The following PIGT variants were observed in gnomAD, a reference collection of about 807,000 sequenced individuals.
PIGT encodes GPI-anchor transamidase component PIGT.
A neutral mutation model predicts 66.7 loss-of-function variants in PIGT; 57 were observed. The ratio of observed to expected loss-of-function variants is 0.86; its 90% CI spans 0.69 to 1.07. The LOEUF is 1.07. Among genes scored for constraint, PIGT ranks in the 50% least tolerant of loss-of-function variants. The pLI, the probability that PIGT is intolerant of heterozygous loss-of-function variation, is 0.00. For synonymous variants in PIGT, 362 were observed against 320.5 expected (o/e 1.13, Z -1.38); for missense variants, 725 against 740.4 (o/e 0.98, Z 0.24).
Position 45,424,492 on chromosome 20 carries a change from G to A in PIGT, c.1401-4G>A. 1 of 1,614,130 alleles carries A rather than the reference G, an allele frequency of 6.2e-7. No individual in the cohort carries two copies. The highest frequency in any genetic ancestry group is 8.5e-7 in the Non-Finnish European group (1 of 1,179,990). ...ACACGGGCCATCTCTCTGCTTCTCT[G>A]TAGCCCATCTGTCCTCAGCGCCCTT... On this transcript the variant is annotated splice_region_variant and splice_polypyrimidine_tract_variant and intron_variant, in intron 10 of 11. Coordinates refer to ENST00000279036, the MANE Select transcript of PIGT (RefSeq NM_015937.6).
chr20:45,417,491 T>A (rs1311238694), intron 2 of PIGT: 1 of 152,180 alleles, frequency 6.6e-6, no homozygotes, highest in East Asian at 1.9e-4. Flanking sequence ...CAGAGTCAAA[T>A]GTTTCTAAAA....
intron 9 of PIGT, chr20:45,422,584 C>T (rs1990437101): frequency 6.6e-6 from 1 of 152,032 alleles, no homozygotes; most frequent in African/African-American, 2.4e-5. Context: ...GGACTACAGG[C>T]ATGAACCGCC....
chr20:45,419,192 A>G, intron 3 of PIGT, 103 bp from the exon 4 acceptor site: 1 of 1,121,242 alleles, frequency 8.9e-7, no homozygotes, highest in Non-Finnish European at 1.3e-6. Context: ...CTGTGGTGCT[A>G]GAGGTGGTGT....
At chr20:45,417,051 G>A in intron 2 of PIGT, 1 of 172,958 alleles carries the variant, frequency 5.8e-6, no homozygotes, top group South Asian at 1.2e-4. Flanking sequence ...ATATCTGTGG[G>A]TTACAACTGG....
intron 8 of PIGT, 182 bp from the exon 9 acceptor site, chr20:45,421,201 C>T (rs1452854439): frequency 9.9e-6 from 6 of 606,076 alleles, no homozygotes; most frequent in African/African-American, 1.9e-5. Context: ...AACCTATTGT[C>T]ATCATCGCTT....
Position 45,424,291 on chromosome 20 carries a change from A to C in PIGT, c.1310A>C (p.Asn437Thr), listed in dbSNP as rs540505252. The change falls in exon 10 of 12, where the codon AAC (asparagine) becomes ACC (threonine). Residue 437 changes from asparagine (N) to threonine (T), a missense_variant. By Grantham distance (65) the Asn-to-Thr change is moderately conservative (BLOSUM62 0). This residue lies in a region of PIGT where 559 missense variants were observed against 552.7 expected (regional missense o/e 1.01). Coordinates refer to ENST00000279036, the MANE Select transcript of PIGT (RefSeq NM_015937.6). ...LLEMLIQLPA[N>T]SVTKVSIQFE... is the part of the protein sequence containing the mutation. ...GAGATGCTGATTCAGCTGCCGGCCA[A>C]CTCAGTCACCAAGGTTTCCATCCAG... The C allele has an allele frequency of 1.2e-6, 2 of 1,614,188 alleles. No homozygotes were observed. Among genetic ancestry groups the C allele is most frequent in the South Asian group, 1.1e-5 (1 of 91,082 alleles).
rs1305081958 is a variant in PIGT at position 45,425,763 on chromosome 20, A to C, written c.1674A>C (p.Thr558=). The C allele has an allele frequency of 1.2e-6, 2 of 1,614,072 alleles. No individual in the cohort carries two copies. The highest frequency in any genetic ancestry group is 4.5e-5 in the East Asian group (2 of 44,878). The change falls in exon 12 of 12, where the codon ACA becomes ACC. Residue 558 remains threonine, a synonymous_variant. Coordinates refer to ENST00000279036, the MANE Select transcript of PIGT (RefSeq NM_015937.6). ...CCTTCCACATCGAGGAGCCCCGCAC[A>C]GGTGGCCTGGCCAAGCGGCTGGCCA... The part of the protein sequence containing the change: ...TRTFHIEEPR[T]GGLAKRLANL...
At chr20:45,425,481 C>A in intron 11 of PIGT, 93 bp from the exon 12 acceptor site, 2 of 1,378,062 alleles carry the variant, frequency 1.5e-6, no homozygotes, top group African/African-American at 1.4e-5. Context: ...ATTGGAAACA[C>A]TGTGTTGCAT....
chr20:45,419,860 A>G, intron 5 of PIGT: 1 of 600,226 alleles, frequency 1.7e-6, no homozygotes, highest in Non-Finnish European at 3.0e-6. Flanking sequence ...ACCTTGGGTG[A>G]ATCATTTCAT....
chr20:45,426,087 G>A lies in PIGT; in HGVS notation c.*261G>A, dbSNP rs1990726742. On this transcript the variant is annotated 3_prime_UTR_variant, in exon 12 of 12. Coordinates refer to ENST00000279036, the MANE Select transcript of PIGT (RefSeq NM_015937.6). ...TGCTCAATAAGCAAAAGTGGTCGGT[G>A]GCTGCTGTATTGGACAGCACAGAAA... is the stretch of plus-strand genomic sequence containing the variant. The A allele has an allele frequency of 7.3e-6, 4 of 550,296 alleles. No homozygotes were observed. The highest frequency in any genetic ancestry group is 1.3e-5 in the Non-Finnish European group (4 of 307,672). The allele number at this position is 550,296 out of a possible 1,614,324, so 34.1% of individuals were successfully genotyped here. A position where few individuals can be genotyped will look rare whatever the true frequency, so the allele number is the denominator to read the frequency against.
At chr20:45,420,042 A>G (rs1012832125) in intron 5 of PIGT, 94 bp from the exon 6 acceptor site, 3 of 865,710 alleles carry the variant, frequency 3.5e-6, no homozygotes, top group Non-Finnish European at 5.6e-6. Flanking sequence ...GTGAAGATAC[A>G]TAGATGAGGG....
rs542261911 is a variant in PIGT, at chr20:45,419,423, G to GGT, written c.594+29_594+30insTG. The stretch of plus-strand genomic sequence containing the variant: ...GAGGCCGCAGAGCCTGGCAGCCGGG[G>GGT]GCGGGGGGTGTATAGAGAACCTGCG... On this transcript the variant is annotated intron_variant, in intron 4 of 11. Transcript: ENST00000279036. The GGT allele has an allele frequency of 7.0e-4, 1,104 of 1,573,566 alleles. 9 individuals are homozygous for GGT. In the African/African-American group the frequency reaches 0.016, roughly 22 times the overall value.
At chr20:45,422,446 CT>C (rs773870611) in intron 9 of PIGT, 8,418 of 140,040 alleles carry the variant, frequency 0.06, 232 homozygotes, top group Middle Eastern at 0.086. Flanking sequence ...ACCCTGCAGC[CT>C]TTTTTTTTTT....
At chr20:45,420,077 TG>T in intron 5 of PIGT, 58 bp from the exon 6 acceptor site, 1 of 1,225,080 alleles carries the variant, frequency 8.2e-7, no homozygotes. Flanking sequence ...GGAGTCTTTT[TG>T]GGGGCTGTGT....
chr20:45,419,970 G>A (rs1222881767), intron 5 of PIGT, 166 bp from the exon 6 acceptor site: 2 of 621,364 alleles, frequency 3.2e-6, no homozygotes, highest in Non-Finnish European at 5.7e-6. Context: ...ACATACAGCT[G>A]TCAGCACGGG....
Position 45,425,615 on chromosome 20 carries a change from A to G in PIGT, c.1526A>G (p.Tyr509Cys). 6.2e-7 allele frequency: 1 copy of G among 1,613,836 alleles called. No homozygotes were observed. Among genetic ancestry groups the G allele is most frequent in the Non-Finnish European group, 8.5e-7 (1 of 1,179,838 alleles). ...SDGSNYFVRL[Y>C]TEPLLVNLPT... ...GGCTCTAACTACTTTGTGCGGCTCT[A>G]CACGGAGCCGCTGCTGGTGAACCTG... The change falls in exon 12 of 12, where the codon TAC becomes TGC. Residue 509 changes from tyrosine (Y) to cysteine (C), a missense_variant. By Grantham distance (194) the Tyr-to-Cys change is radical. Around this residue, in one of 3 missense-constraint regions of PIGT, gnomAD observed 162 missense variants for 171.1 expected, o/e 0.95. Coordinates refer to ENST00000279036, the MANE Select transcript of PIGT (RefSeq NM_015937.6).
intron 11 of PIGT, chr20:45,425,147 CTTTCTTTCTTTCTTTCTT>C (rs1990643291): frequency 5.0e-5 from 2 of 40,040 alleles, no homozygotes; most frequent in African/African-American, 1.9e-4. Flanking sequence ...CTTTCTCTTT[CTTTCTTTCTTTCTTTCTT>C]TCTTTCTTTC....
Position 45,419,404 on chromosome 20 carries a change from G to C in PIGT, c.594+9G>C, listed in dbSNP as rs375333648. The C allele has an allele frequency of 1.9e-6, 3 of 1,602,016 alleles. No individual in the cohort carries two copies. The Admixed American group carries it at 5.1e-5, about 27-fold the overall frequency. On this transcript the variant is annotated intron_variant, in intron 4 of 11. Transcript: ENST00000279036. ...TGCCCTGTAGTTCCAAGGTGAGGCC[G>C]CAGAGCCTGGCAGCCGGGGGCGGGG...
intron 5 of PIGT, chr20:45,419,931 G>A (rs756665738): frequency 1.6e-6 from 1 of 606,110 alleles, no homozygotes; most frequent in Admixed American, 2.9e-5. Context: ...CACTCCTAGG[G>A]TTGTTGTGAT....
Sources: gnomAD v4.1 joint callset for allele counts on GRCh38, gnomAD v4.1.1 for gene constraint, gnomAD v4.1.1 regional missense constraint, MANE v1.5 for transcripts, NCBI Gene and HGNC (gene_info 2026-07-23, HGNC 2026-07-21) for gene names.